ZMAT4: variants seen among roughly 807,000 people sequenced by gnomAD.
ZMAT4 encodes zinc finger matrin-type 4.
A neutral mutation model predicts 28.7 loss-of-function variants in ZMAT4; 17 were observed. That is an observed-to-expected ratio of 0.59 (90% confidence interval 0.41 to 0.89). The LOEUF is 0.89. Among genes scored for constraint, ZMAT4 ranks in the 40% least tolerant of loss-of-function variants. The probability of loss-of-function intolerance (pLI) is 0.00; values close to 1 mark genes in which losing one functional copy is unlikely to be tolerated. For missense variants in ZMAT4, 240 were observed against 283.8 expected, an observed-to-expected ratio of 0.85 and a Z score of 1.11; for synonymous variants, 117 against 109.2, an observed-to-expected ratio of 1.07 and a Z score of -0.44.
At chr8:40,652,957 T>C (rs888062047) in intron 5 of ZMAT4, among the ~76,000 whole-genome samples, 84 of 147,394 alleles carry the variant, frequency 5.7e-4, no homozygotes, top group African/African-American at 2.0e-3. Flanking sequence ...GGGTGAGGGA[T>C]AGCATTGGGA....
chr8:40,784,531 A>G (rs1260029470), intron 2 of ZMAT4, among the ~76,000 whole-genome samples: 2 of 152,206 alleles, frequency 1.3e-5, no homozygotes, highest in African/African-American at 2.4e-5. Flanking sequence ...CACTATCACT[A>G]CTGCTGCCGA....
At chr8:40,797,390 G>A (rs943019026) in intron 2 of ZMAT4, among the ~76,000 whole-genome samples, 30 of 152,192 alleles carry the variant, frequency 2.0e-4, no homozygotes, top group African/African-American at 6.3e-4. Context: ...CCCATCCTGC[G>A]TGCTGGGCCC....
intron 5 of ZMAT4, among the ~76,000 whole-genome samples, chr8:40,649,366 A>G (rs1331285623): frequency 6.6e-6 from 1 of 152,228 alleles, no homozygotes; most frequent in Non-Finnish European, 1.5e-5. Context: ...ATTCAACAAG[A>G]AGAGCTAACT....
chr8:40,544,328 C>T (rs190211285), intron 6 of ZMAT4, among the ~76,000 whole-genome samples: 215 of 152,298 alleles, frequency 1.4e-3, no homozygotes, highest in Non-Finnish European at 2.0e-3. Context: ...TAAGAAATGG[C>T]TTTTGAGTAC....
At chr8:40,746,131 C>G (rs1295359518) in intron 3 of ZMAT4, among the ~76,000 whole-genome samples, 3 of 152,062 alleles carry the variant, frequency 2.0e-5, no homozygotes, top group Non-Finnish European at 4.4e-5. Context: ...ACTCTTCCAC[C>G]CAAATCTCTC....
chr8:40,751,637 AC>A (rs1329568480), intron 3 of ZMAT4, among the ~76,000 whole-genome samples: 2 of 151,904 alleles, frequency 1.3e-5, no homozygotes, highest in African/African-American at 2.4e-5. Context: ...TATAACATCA[AC>A]CCCTGAACTA....
intron 3 of ZMAT4, among the ~76,000 whole-genome samples, chr8:40,735,593 A>G (rs1278537204): frequency 6.6e-6 from 1 of 152,222 alleles, no homozygotes; most frequent in Admixed American, 6.5e-5. Flanking sequence ...TCAGGAATTT[A>G]ACCCATCATA....
intron 4 of ZMAT4, 82 bp downstream of exon 4, chr8:40,697,163 G>A (rs576788152): frequency 4.2e-5 from 60 of 1,441,136 alleles, no homozygotes; most frequent in African/African-American, 3.6e-4. Context: ...TGGCAACTGC[G>A]TCTGAAGGAG....
intron 6 of ZMAT4, among the ~76,000 whole-genome samples, chr8:40,551,694 G>A (rs2118424058): frequency 6.6e-6 from 1 of 152,244 alleles, no homozygotes; most frequent in Admixed American, 6.5e-5. Flanking sequence ...TATTTTTCAT[G>A]AAACAAGATG....
chr8:40,539,615 C>T (rs1303341085), intron 6 of ZMAT4, among the ~76,000 whole-genome samples: 1 of 152,180 alleles, frequency 6.6e-6, no homozygotes, highest in Non-Finnish European at 1.5e-5. Context: ...TCGATAATAT[C>T]TTCCTCCTAG....
chr8:40,630,426 A>G (rs1215042688), intron 5 of ZMAT4, among the ~76,000 whole-genome samples: 1 of 152,160 alleles, frequency 6.6e-6, no homozygotes, highest in African/African-American at 2.4e-5. Flanking sequence ...CCACTTCATA[A>G]ATGACGAAAC....
chr8:40,769,012 T>C (rs1361050068), intron 2 of ZMAT4, among the ~76,000 whole-genome samples: 1 of 152,200 alleles, frequency 6.6e-6, no homozygotes, highest in East Asian at 1.9e-4. Context: ...ATCCTTCCTG[T>C]CCATTTTCCT....
intron 5 of ZMAT4, among the ~76,000 whole-genome samples, chr8:40,595,946 T>A (rs543529006): frequency 6.6e-6 from 1 of 152,002 alleles, no homozygotes; most frequent in South Asian, 2.1e-4. Flanking sequence ...TAGCCAGGCA[T>A]GGTGGTGGGC....
At chr8:40,667,892 G>T (rs1210243108) in intron 5 of ZMAT4, among the ~76,000 whole-genome samples, 1 of 150,952 alleles carries the variant, frequency 6.6e-6, no homozygotes, top group South Asian at 2.1e-4. Context: ...TGAAGTTGTT[G>T]CTATAGCTAC....
intron 5 of ZMAT4, among the ~76,000 whole-genome samples, chr8:40,609,472 C>T (rs1014485193): frequency 1.3e-5 from 2 of 152,130 alleles, no homozygotes; most frequent in African/African-American, 4.8e-5. Context: ...ATCCTGAGGG[C>T]TGGCAGTATG....
chr8:40,865,155 C>T (rs1037450259), intron 1 of ZMAT4, among the ~76,000 whole-genome samples: 1 of 152,172 alleles, frequency 6.6e-6, no homozygotes, highest in African/African-American at 2.4e-5. Flanking sequence ...AAGAATCAAC[C>T]TTTTGCTGCA....
intron 3 of ZMAT4, among the ~76,000 whole-genome samples, chr8:40,710,744 T>C (rs567821268): frequency 2.6e-4 from 39 of 152,004 alleles, no homozygotes; most frequent in Non-Finnish European, 1.9e-4. Flanking sequence ...AAGGCAACCT[T>C]GAAGCAAATG....
intron 2 of ZMAT4, among the ~76,000 whole-genome samples, chr8:40,778,777 C>T (rs921822258): frequency 2.6e-5 from 4 of 152,124 alleles, no homozygotes; most frequent in African/African-American, 9.7e-5. Flanking sequence ...TACTCAAAGA[C>T]CCAGATTTTA....
At chr8:40,585,082 G>A (rs1415343866) in intron 5 of ZMAT4, among the ~76,000 whole-genome samples, 2 of 152,162 alleles carry the variant, frequency 1.3e-5, no homozygotes, top group Non-Finnish European at 2.9e-5. Context: ...ATTTCAGAGA[G>A]ACCTCTTTGA....
Sources: allele counts gnomAD v4.1 joint callset (sites outside exome capture counted in the v4.1 genomes callset), GRCh38; gene constraint gnomAD v4.1.1; transcripts MANE v1.5; gene names NCBI Gene and HGNC (gene_info 2026-07-23, HGNC 2026-07-21).